The following USP47 variants were observed in gnomAD, a reference collection of about 807,000 sequenced individuals.
USP47 encodes ubiquitin specific peptidase 47, also known as ubiquitin carboxyl-terminal hydrolase 47.
USP47 carries 35 observed loss-of-function variants against 165.1 expected under a neutral mutation model. The ratio of observed to expected loss-of-function variants is 0.21; its 90% CI spans 0.16 to 0.28. USP47 has a LOEUF of 0.28. Ranked by LOEUF, USP47 falls within the 10% of genes least tolerant of loss-of-function variation. The pLI, the probability that USP47 is intolerant of heterozygous loss-of-function variation, is 1.00. For synonymous variants in USP47, 531 were observed against 544.5 expected (o/e 0.98, Z 0.35); for missense variants, 1,277 against 1,607.4 (o/e 0.79, Z 3.52).
intron 8 of USP47, among the ~76,000 whole-genome samples, chr11:11,910,815 T>C (rs962158664): frequency 7.2e-5 from 11 of 152,116 alleles, no homozygotes; most frequent in Admixed American, 2.6e-4. Flanking sequence ...AAGGTTTAAA[T>C]ATGGTCCAGA....
intron 2 of USP47, among the ~76,000 whole-genome samples, chr11:11,881,428 A>C (rs574883452): frequency 1.3e-5 from 2 of 152,220 alleles, no homozygotes; most frequent in South Asian, 4.1e-4. Context: ...GCCTTTTCCT[A>C]CTTCCTCACT....
chr11:11,846,984 A>T (rs1292727361), intron 1 of USP47, among the ~76,000 whole-genome samples: 1 of 152,158 alleles, frequency 6.6e-6, no homozygotes, highest in Non-Finnish European at 1.5e-5. Flanking sequence ...GGAGTGTTTA[A>T]TAAAAGTCAG....
rs771225503 is a variant in USP47 at position 11,955,071 on chromosome 11, A to G, written c.3800A>G (p.Asp1267Gly). 1 of 1,613,752 alleles carries G rather than the reference A, an allele frequency of 6.2e-7. No individual in the cohort carries two copies. The highest frequency in any genetic ancestry group is 1.1e-5 in the South Asian group (1 of 91,046). The change falls in exon 27 of 28, where the codon GAT becomes GGT. Residue 1267 changes from aspartate (D) to glycine (G), a missense_variant. By Grantham distance (94) the Asp-to-Gly change is moderately conservative (BLOSUM62 -1). Around this residue, in one of 4 missense-constraint regions of USP47, gnomAD observed 909 missense variants for 1,068.1 expected, o/e 0.85. Transcript: ENST00000527733. ...GTFPCDISVL[D>G]IHQDLDWNPK... ...TTTCCCTGTGATATTTCTGTCCTTG[A>G]TATTCATCAGGATTTAGACTGGAAT...
chr11:11,952,237 G>T (rs900425432), intron 24 of USP47: 4 of 152,240 alleles, frequency 2.6e-5, no homozygotes, highest in African/African-American at 9.7e-5. Flanking sequence ...CCAGAGAAAA[G>T]TGACAATTGA....
chr11:11,929,591 T>C (rs1854502135), intron 12 of USP47, 26 bp downstream of exon 12: 1 of 1,606,870 alleles, frequency 6.2e-7, no homozygotes, highest in Admixed American at 1.7e-5. Flanking sequence ...TTAAGATTAT[T>C]ACTCTGAAAG....
Position 11,940,416 on chromosome 11 carries a change from G to T in USP47, c.2194-13G>T. On this transcript the variant is annotated splice_polypyrimidine_tract_variant and intron_variant, in intron 18 of 27. Coordinates refer to ENST00000527733, the MANE Select transcript of USP47 (RefSeq NM_001282659.2). Reference sequence around the variant, plus strand: ...TTGAAAGAGTACTTTTTATTAAATTGCTTTCATTATAGGCCATCCATTTAC... The same window carrying T: ...TTGAAAGAGTACTTTTTATTAAATTTCTTTCATTATAGGCCATCCATTTAC... 3 of 1,577,364 alleles carry T rather than the reference G, an allele frequency of 1.9e-6. No individual in the cohort carries two copies. In the South Asian group the frequency reaches 3.5e-5, roughly 19 times the overall value.
chr11:11,943,209 G>A, intron 20 of USP47, 97 bp downstream of exon 20: 1 of 1,347,422 alleles, frequency 7.4e-7, no homozygotes, highest in Non-Finnish European at 1.0e-6. Flanking sequence ...TTAGTTCTAA[G>A]ATCATTTGTA....
At position 11,880,219 on chromosome 11, in the gene USP47, C is replaced by A. The variant is rs772592206; in HGVS notation, c.82C>A (p.Gln28Lys). ...AGAACCTAGAGTCTTATGTATTATA[C>A]AAGATACTACTAATTCAAAGACAGT... ...AEEPRVLCII[Q>K]DTTNSKTVNE... Residue 28 changes from glutamine (Q) to lysine (K), a missense_variant, in exon 2 of 28, where the codon CAA (glutamine) becomes AAA (lysine). Coordinates refer to ENST00000527733, the MANE Select transcript of USP47 (RefSeq NM_001282659.2). The A allele has an allele frequency of 7.5e-6, 11 of 1,466,040 alleles. No homozygotes were observed. Among genetic ancestry groups the A allele is most frequent in the Non-Finnish European group, 9.8e-6 (11 of 1,120,556 alleles). 90.8% of individuals were successfully genotyped at this position (1,466,040 alleles called of 1,614,324 possible). A position where few individuals can be genotyped will look rare whatever the true frequency, so the allele number is the denominator to read the frequency against.
intron 4 of USP47, among the ~76,000 whole-genome samples, chr11:11,895,103 ATAT>A (rs1203537885): frequency 3.3e-5 from 5 of 152,084 alleles, no homozygotes; most frequent in Admixed American, 6.6e-5. Context: ...AATATTGCTG[ATAT>A]TATTATGAAA....
chr11:11,914,138 C>T (rs1233805894), intron 8 of USP47, among the ~76,000 whole-genome samples: 1 of 151,994 alleles, frequency 6.6e-6, no homozygotes, highest in Non-Finnish European at 1.5e-5. Context: ...GAATGGAATA[C>T]TACTTAGCCA....
chr11:11,925,493 G>A (rs1033218256), intron 11 of USP47, among the ~76,000 whole-genome samples: 2 of 152,014 alleles, frequency 1.3e-5, no homozygotes, highest in Non-Finnish European at 2.9e-5. Flanking sequence ...TGACACTATT[G>A]TAAATGGAAT....
chr11:11,953,301 A>G (rs1856342900), intron 25 of USP47, among the ~76,000 whole-genome samples: 1 of 152,226 alleles, frequency 6.6e-6, no homozygotes, highest in Admixed American at 6.5e-5. Flanking sequence ...GAAAGGGTGA[A>G]TTAGTCAATC....
chr11:11,885,626 A>G (rs939577706), intron 3 of USP47, among the ~76,000 whole-genome samples: 1 of 152,174 alleles, frequency 6.6e-6, no homozygotes, highest in Non-Finnish European at 1.5e-5. Flanking sequence ...GGACACACAT[A>G]TAGACCCCAG....
At chr11:11,864,549 AC>A (rs1224827520) in intron 1 of USP47, among the ~76,000 whole-genome samples, 6 of 146,050 alleles carry the variant, frequency 4.1e-5, no homozygotes, top group African/African-American at 1.5e-4. Flanking sequence ...TCTGCCCCTA[AC>A]CTCTGGCAAC....
chr11:11,866,295 A>G (rs1779746608), intron 1 of USP47, among the ~76,000 whole-genome samples: 1 of 152,230 alleles, frequency 6.6e-6, no homozygotes, highest in Admixed American at 6.5e-5. Context: ...AACTAGATCC[A>G]ATAACAAAGG....
intron 8 of USP47, among the ~76,000 whole-genome samples, chr11:11,910,024 A>C (rs1426952533): frequency 6.6e-6 from 1 of 152,158 alleles, no homozygotes; most frequent in Non-Finnish European, 1.5e-5. Context: ...TTAAAGAAAA[A>C]TCTCTTCCAC....
chr11:11,939,606 T>C (rs1855326383), intron 18 of USP47, among the ~76,000 whole-genome samples: 1 of 152,010 alleles, frequency 6.6e-6, no homozygotes, highest in South Asian at 2.1e-4. Context: ...TGGTATAATA[T>C]ACTGTATATT....
At chr11:11,847,575 T>A (rs917074397) in intron 1 of USP47, among the ~76,000 whole-genome samples, 10 of 152,198 alleles carry the variant, frequency 6.6e-5, no homozygotes, top group African/African-American at 2.4e-4. Context: ...CGCCATCTAT[T>A]TATATGCTTA....
intron 1 of USP47, among the ~76,000 whole-genome samples, chr11:11,872,736 A>G (rs1483794410): frequency 6.6e-6 from 1 of 152,218 alleles, no homozygotes; most frequent in Non-Finnish European, 1.5e-5. Context: ...GAAAGGCACC[A>G]TGTATTAAAA....
Sources: allele counts gnomAD v4.1 joint callset (sites outside exome capture counted in the v4.1 genomes callset), GRCh38; gene constraint gnomAD v4.1.1; regional missense constraint gnomAD v4.1.1; transcripts MANE v1.5; gene names NCBI Gene and HGNC (gene_info 2026-07-23, HGNC 2026-07-21).